The following GRM8 variants were observed in gnomAD, a reference collection of about 807,000 sequenced individuals.
The protein encoded by GRM8 is metabotropic glutamate receptor 8.
In GRM8, 47 loss-of-function variants were observed where a neutral mutation model predicts 87.2. The observed-to-expected ratio is 0.54, with a 90% CI of 0.43 to 0.69. GRM8 has a LOEUF of 0.69. GRM8 is among the 30% of genes least tolerant of loss of function. The pLI, the probability that GRM8 is intolerant of heterozygous loss-of-function variation, is 0.00. For synonymous variants in GRM8, 396 were observed against 404.5 expected (o/e 0.98, Z 0.25); for missense variants, 1,019 against 1,139.2 (o/e 0.89, Z 1.52).
At chr7:126,741,854 A>C (rs1815042733) in intron 7 of GRM8, among the ~76,000 whole-genome samples, 1 of 152,116 alleles carries the variant, frequency 6.6e-6, no homozygotes, top group Non-Finnish European at 1.5e-5. Context: ...CTTTTAAAAG[A>C]CTAAGTTCCT....
At chr7:126,686,332 C>A (rs1563091360) in intron 7 of GRM8, among the ~76,000 whole-genome samples, 2 of 152,132 alleles carry the variant, frequency 1.3e-5, no homozygotes, top group African/African-American at 2.4e-5. Context: ...AATGGCAAGG[C>A]TAAAAGCTGT....
At position 127,243,310 on chromosome 7, in the gene GRM8, A is replaced by G. The variant is rs1798414516; in HGVS notation, c.-106T>C. ...CTTCTGGAGGCTACCATCAGGGCCC[A>G]TGGGGAAAAGGCTCTGTGGGCATTA... is the stretch of plus-strand genomic sequence containing the variant. On this transcript the variant is annotated 5_prime_UTR_variant, in exon 2 of 11. It removes an upstream start codon present in the reference 5' UTR. Transcript: ENST00000339582. 1 of 1,020,466 alleles carries G rather than the reference A, an allele frequency of 9.8e-7. No individual in the cohort carries two copies. Among genetic ancestry groups the G allele is most frequent in the Non-Finnish European group, 1.4e-6 (1 of 698,746 alleles). 63.2% of individuals were successfully genotyped at this position (1,020,466 alleles called of 1,614,324 possible).
chr7:127,113,696 G>A (rs11563716), intron 2 of GRM8, among the ~76,000 whole-genome samples: 20,725 of 152,022 alleles, frequency 0.14, 1,832 homozygotes, highest in Middle Eastern at 0.22. Flanking sequence ...TAGCAACAGC[G>A]GCCATCAGGA....
rs576036900 is a variant in GRM8 at position 127,212,671 on chromosome 7, C to A, written c.510+30024G>T. ...TGACCTCGTGATCCGCCCGCCTCGG[C>A]CTCCCAAAGTGCTGGGATTACAGGC... On this transcript the variant is annotated intron_variant, in intron 2 of 10. Coordinates refer to ENST00000339582, the MANE Select transcript of GRM8 (RefSeq NM_000845.3). 1.2e-3 allele frequency among the ~76,000 whole-genome samples: 178 copies of A among 152,244 alleles called. 1 individual carries two copies. Among genetic ancestry groups the A allele is most frequent in the African/African-American group, 4.3e-3 (177 of 41,544 alleles).
chr7:126,439,934 G>T (rs987470184), intron 10 of GRM8, among the ~76,000 whole-genome samples: 1 of 151,472 alleles, frequency 6.6e-6, no homozygotes, highest in Non-Finnish European at 1.5e-5. Context: ...TTGAGTAAGG[G>T]TATAAAGAAA....
intron 3 of GRM8, among the ~76,000 whole-genome samples, chr7:127,099,992 T>C (rs1825067007): frequency 6.6e-6 from 1 of 152,008 alleles, no homozygotes; most frequent in African/African-American, 2.4e-5. Flanking sequence ...CATGTGATGG[T>C]AGAGGCAGAG....
intron 6 of GRM8, among the ~76,000 whole-genome samples, chr7:126,822,062 T>C (rs10267776): frequency 0.014 from 2,090 of 152,334 alleles, 53 homozygotes; most frequent in African/African-American, 0.048. Context: ...TTAGTAAGAA[T>C]GCCACAGAGC....
chr7:126,942,599 C>A (rs1056369169), intron 3 of GRM8, among the ~76,000 whole-genome samples: 67 of 152,294 alleles, frequency 4.4e-4, no homozygotes, highest in African/African-American at 1.5e-3. Context: ...GCTCGCCCGG[C>A]ATGCAGCAGG....
chr7:126,449,362 T>C (rs569637603), intron 9 of GRM8, among the ~76,000 whole-genome samples: 10 of 151,832 alleles, frequency 6.6e-5, no homozygotes, highest in Non-Finnish European at 1.2e-4. Context: ...TTGGGGGTAA[T>C]ACTTTTCTCA....
At chr7:127,077,008 G>A (rs17865311) in intron 3 of GRM8, among the ~76,000 whole-genome samples, 309 of 152,232 alleles carry the variant, frequency 2.0e-3, no homozygotes, top group Non-Finnish European at 3.5e-3. Flanking sequence ...CCAATCCTTC[G>A]ACCACTACCT....
At chr7:127,223,997 G>A (rs1797148623) in intron 2 of GRM8, among the ~76,000 whole-genome samples, 1 of 148,750 alleles carries the variant, frequency 6.7e-6, no homozygotes, top group Non-Finnish European at 1.5e-5. Flanking sequence ...TGAACTTACA[G>A]ATAAAACAAT....
intron 6 of GRM8, among the ~76,000 whole-genome samples, chr7:126,775,720 A>G (rs1819394662): frequency 6.6e-6 from 1 of 152,056 alleles, no homozygotes; most frequent in African/African-American, 2.4e-5. Context: ...TAGGGGAGAG[A>G]GAGGATCAGT....
chr7:127,047,247 C>A (rs1276954630), intron 3 of GRM8, among the ~76,000 whole-genome samples: 1 of 152,110 alleles, frequency 6.6e-6, no homozygotes, highest in East Asian at 1.9e-4. Flanking sequence ...AACCATATGG[C>A]CCACAAAGCC....
At chr7:126,695,374 T>C (rs1408574656) in intron 7 of GRM8, among the ~76,000 whole-genome samples, 2 of 152,140 alleles carry the variant, frequency 1.3e-5, no homozygotes, top group African/African-American at 2.4e-5. Flanking sequence ...AAATAGCTCA[T>C]AGCATGGAGA....
chr7:126,909,016 C>T (rs118123781), intron 3 of GRM8, among the ~76,000 whole-genome samples: 3,264 of 152,298 alleles, frequency 0.021, 48 homozygotes, highest in East Asian at 0.047. Context: ...AAAAACCAGA[C>T]AGCTAATCTG....
At chr7:126,794,182 C>T (rs1292837174) in intron 6 of GRM8, among the ~76,000 whole-genome samples, 1 of 151,898 alleles carries the variant, frequency 6.6e-6, no homozygotes, top group Admixed American at 6.6e-5. Context: ...AAAAAAAAAG[C>T]CCTTAGCACT....
intron 8 of GRM8, among the ~76,000 whole-genome samples, chr7:126,548,883 A>G (rs1817469749): frequency 6.6e-6 from 1 of 152,200 alleles, no homozygotes; most frequent in South Asian, 2.1e-4. Context: ...GGACTTTCAA[A>G]ATCATAAGTA....
chr7:127,072,415 T>C (rs1319657160), intron 3 of GRM8, among the ~76,000 whole-genome samples: 2 of 152,194 alleles, frequency 1.3e-5, no homozygotes, highest in Non-Finnish European at 2.9e-5. Context: ...GAATAAAATA[T>C]GATCTTCAGC....
intron 9 of GRM8, among the ~76,000 whole-genome samples, chr7:126,451,545 A>C (rs1466525498): frequency 6.6e-6 from 1 of 151,612 alleles, no homozygotes; most frequent in East Asian, 2.0e-4. Flanking sequence ...CCTAACACAG[A>C]AGCTAGAATA....
Sources: gnomAD v4.1 joint callset for allele counts (sites outside exome capture counted in the v4.1 genomes callset) on GRCh38, gnomAD v4.1.1 for gene constraint, MANE v1.5 for transcripts, NCBI Gene and HGNC (gene_info 2026-07-23, HGNC 2026-07-21) for gene names.